Variants in KIRREL3 observed in about 807,000 individuals in gnomAD.
The protein encoded by KIRREL3 is kin of IRRE-like protein 3.
In KIRREL3, 36 loss-of-function variants were observed where a neutral mutation model predicts 89.7. The observed-to-expected ratio is 0.40, with a 90% CI of 0.31 to 0.53. The LOEUF (loss-of-function observed/expected upper bound fraction) is 0.53, where lower values mean the gene tolerates loss of function less well. KIRREL3 is among the 20% of genes least tolerant of loss of function. The pLI is 0.49. For missense variants in KIRREL3, 864 were observed against 1,056.6 expected (o/e 0.82, Z 2.53); for synonymous variants, 445 against 441.4 (o/e 1.01, Z -0.10).
chr11:126,934,883 AC>A (rs1301386653), intron 1 of KIRREL3: 4 of 152,056 alleles, frequency 2.6e-5, no homozygotes, highest in African/African-American at 9.7e-5. Context: ...ACGCGGTGAA[AC>A]CCTGTGTCTA....
intron 1 of KIRREL3, among the ~76,000 whole-genome samples, chr11:126,826,083 G>A (rs922362762): frequency 1.1e-4 from 17 of 152,042 alleles, no homozygotes; most frequent in African/African-American, 3.6e-4. Context: ...CCTTTCCAAA[G>A]AAGGCTTGAA....
At chr11:126,821,355 A>ATATATATAT (rs1440926983) in intron 1 of KIRREL3, among the ~76,000 whole-genome samples, 16 of 140,382 alleles carry the variant, frequency 1.1e-4, no homozygotes, top group South Asian at 2.4e-4. Flanking sequence ...ATATATATGT[A>ATATATATAT]ACTTCCAACC....
At chr11:126,751,895 G>GT (rs1437258089) in intron 1 of KIRREL3, among the ~76,000 whole-genome samples, 1 of 152,132 alleles carries the variant, frequency 6.6e-6, no homozygotes, top group Non-Finnish European at 1.5e-5. Flanking sequence ...TAGAGATGGG[G>GT]TTTTGCTATG....
At chr11:126,437,800 T>G (rs1955414663) in intron 11 of KIRREL3, among the ~76,000 whole-genome samples, 2 of 151,934 alleles carry the variant, frequency 1.3e-5, no homozygotes, top group South Asian at 4.2e-4. Context: ...CTTACACACA[T>G]GTACATACCA....
rs774589268 is a variant in KIRREL3, at chr11:126,795,381, A to AT, written c.55+205073dup. On this transcript the variant is annotated intron_variant, in intron 1 of 16. Transcript: ENST00000525144. This position sits in a 1 kb window ranked among gnomAD's most constrained non-coding sequence, Gnocchi z 4.1. ...TATAAATTTTATTTTATTTTACTTT[A>AT]TTTTTTGAGACAGAGTCTCAGTCTG... 2.0e-5 allele frequency among the ~76,000 whole-genome samples: 3 copies of AT among 152,026 alleles called. No individual in the cohort carries two copies. Among genetic ancestry groups the AT allele is most frequent in the Non-Finnish European group, 4.4e-5 (3 of 67,994 alleles).
In KIRREL3 at chr11:126,486,512, G is replaced by A. The variant is rs770270196; in HGVS notation, c.434-13046C>T. Among the ~76,000 whole-genome samples, 1 of 152,238 alleles carries A rather than the reference G, an allele frequency of 6.6e-6. No individual in the cohort carries two copies. The highest frequency in any genetic ancestry group is 1.5e-5 in the Non-Finnish European group (1 of 68,040). ...AACCGGCACATGCCCCCTTGCAGCCGCTCACAAAGCTCTCCAGCTGGTTTC... is the reference window on the plus strand; with the variant it reads ...AACCGGCACATGCCCCCTTGCAGCCACTCACAAAGCTCTCCAGCTGGTTTC... On this transcript the variant is annotated intron_variant, in intron 4 of 16. Coordinates refer to ENST00000525144, the MANE Select transcript of KIRREL3 (RefSeq NM_032531.4). The surrounding 1 kb of genome is among the most constrained non-coding windows in gnomAD (Gnocchi z 6.2).
At chr11:126,984,988 C>T (rs932599318) in intron 1 of KIRREL3, among the ~76,000 whole-genome samples, 25 of 152,102 alleles carry the variant, frequency 1.6e-4, no homozygotes, top group Non-Finnish European at 7.4e-5. Flanking sequence ...ATTTTCCTTA[C>T]TTTTTAAAGG....
At chr11:126,974,823 A>G (rs1398103145) in intron 1 of KIRREL3, among the ~76,000 whole-genome samples, 1 of 152,108 alleles carries the variant, frequency 6.6e-6, no homozygotes, top group Admixed American at 6.5e-5. Context: ...CTCCCACCTC[A>G]GCCTCCTGAG....
At position 126,984,030 on chromosome 11, in the gene KIRREL3, A is replaced by T. The variant is rs568407020; in HGVS notation, c.55+16425T>A. On this transcript the variant is annotated intron_variant, in intron 1 of 16. Transcript: ENST00000525144. ...ATGGTATTAGAGGTTAATTCTCCCC[A>T]TGAGCCCCACTGAGAAAACTTGCAC... Among the ~76,000 whole-genome samples the T allele has an allele frequency of 1.6e-4, 24 of 152,240 alleles. 1 individual carries two copies. Among genetic ancestry groups the T allele is most frequent in the East Asian group, 9.7e-4 (5 of 5,174 alleles).
At position 126,918,607 on chromosome 11, in the gene KIRREL3, C is replaced by T. The variant is rs1947135766; in HGVS notation, c.55+81848G>A. ...ATTTACACAGAGAACTAAAATGATACATTCTCTGCCTCCTAGGAGTTTATA... is the reference window on the plus strand; with the variant it reads ...ATTTACACAGAGAACTAAAATGATATATTCTCTGCCTCCTAGGAGTTTATA... On this transcript the variant is annotated intron_variant, in intron 1 of 16. Transcript: ENST00000525144. This position sits in a 1 kb window ranked among gnomAD's most constrained non-coding sequence, Gnocchi z 6.5. 6.6e-6 allele frequency among the ~76,000 whole-genome samples: 1 copy of T among 152,214 alleles called. No individual in the cohort carries two copies.
intron 1 of KIRREL3, among the ~76,000 whole-genome samples, chr11:126,613,871 C>CT (rs5795506): frequency 0.021 from 1,875 of 88,486 alleles, 125 homozygotes; most frequent in African/African-American, 0.09. Flanking sequence ...AATACTGTTG[C>CT]TTTTTTTTTT....
At position 126,454,650 on chromosome 11, in the gene KIRREL3, GC is replaced by G. The variant is rs1956281249; in HGVS notation, c.848+1698del. Among the ~76,000 whole-genome samples, 1 of 152,122 alleles carries G rather than the reference GC, an allele frequency of 6.6e-6. No homozygotes were observed. Among genetic ancestry groups the G allele is most frequent in the African/African-American group, 2.4e-5 (1 of 41,414 alleles). On this transcript the variant is annotated intron_variant, in intron 7 of 16. Transcript: ENST00000525144. The surrounding 1 kb of genome is among the most constrained non-coding windows in gnomAD (Gnocchi z 5.8). The stretch of plus-strand genomic sequence containing the variant: ...CAGGCCTGGCAGGTGCAGCGTGGAA[GC>G]CTAGGGCCAGGGAGTCTCATTGGGC...
chr11:126,779,841 C>T (rs1483435436), intron 1 of KIRREL3, among the ~76,000 whole-genome samples: 2 of 152,024 alleles, frequency 1.3e-5, no homozygotes, highest in African/African-American at 2.4e-5. Context: ...AACTGATATA[C>T]ATAATACTTC....
chr11:126,874,522 T>A (rs541986157), intron 1 of KIRREL3, among the ~76,000 whole-genome samples: 256 of 152,356 alleles, frequency 1.7e-3, no homozygotes, highest in Non-Finnish European at 3.0e-3. Context: ...TTTTCACCAT[T>A]ATCTCACTCA....
At position 126,739,181 on chromosome 11, in the gene KIRREL3, GTGCTAT is replaced by G. The variant is rs150097664; in HGVS notation, c.56-176275_56-176270del. ...AAAGCCAAACCCTTCCACCCGTTCC[GTGCTAT>G]TGTTGGAGATGTGAATTCCACTGAT... On this transcript the variant is annotated intron_variant, in intron 1 of 16. Transcript: ENST00000525144. The surrounding 1 kb of genome is among the most constrained non-coding windows in gnomAD (Gnocchi z 5.5). Among the ~76,000 whole-genome samples the G allele has an allele frequency of 0.012, 1,770 of 152,286 alleles. 36 individuals carry two copies. The highest frequency in any genetic ancestry group is 0.041 in the African/African-American group (1,696 of 41,538).
chr11:126,944,092 A>C (rs553805022), intron 1 of KIRREL3, among the ~76,000 whole-genome samples: 1 of 152,284 alleles, frequency 6.6e-6, no homozygotes, highest in East Asian at 1.9e-4. Flanking sequence ...CAGGACACAG[A>C]GAGGAATCTG....
At chr11:126,674,448 G>C (rs866470414) in intron 1 of KIRREL3, among the ~76,000 whole-genome samples, 2 of 152,334 alleles carry the variant, frequency 1.3e-5, no homozygotes, top group Middle Eastern at 3.4e-3. Flanking sequence ...AAGATGATAA[G>C]CAGGATGAAG....
intron 1 of KIRREL3, among the ~76,000 whole-genome samples, chr11:126,823,786 G>C (rs1296825065): frequency 2.0e-5 from 3 of 152,198 alleles, no homozygotes; most frequent in African/African-American, 7.2e-5. Flanking sequence ...AGTCTGAAAG[G>C]AAAACAAGCT....
Position 126,489,195 on chromosome 11 carries a change from G to T in KIRREL3, c.434-15729C>A, listed in dbSNP as rs556174292. Among the ~76,000 whole-genome samples the T allele has an allele frequency of 6.6e-6, 1 of 152,252 alleles. No individual in the cohort carries two copies. Among genetic ancestry groups the T allele is most frequent in the South Asian group, 2.1e-4 (1 of 4,826 alleles). ...ATGGATGCGCTGCGTTTGCGGTGGA[G>T]AGCCGGCTGCATGGGAATCACTGCT... On this transcript the variant is annotated intron_variant, in intron 4 of 16. Coordinates refer to ENST00000525144, the MANE Select transcript of KIRREL3 (RefSeq NM_032531.4). This position sits in a 1 kb window ranked among gnomAD's most constrained non-coding sequence, Gnocchi z 5.5.
Sources: allele counts gnomAD v4.1 joint callset (sites outside exome capture counted in the v4.1 genomes callset), GRCh38; gene constraint gnomAD v4.1.1; non-coding constraint Gnocchi (gnomAD v3.1); transcripts MANE v1.5; gene names NCBI Gene and HGNC (gene_info 2026-07-23, HGNC 2026-07-21).